Variants in GPSM1 observed in about 807,000 individuals in gnomAD.
The protein encoded by GPSM1 is G protein-signaling modulator 1.
GPSM1 carries 48 observed loss-of-function variants against 70.5 expected under a neutral mutation model. The ratio of observed to expected loss-of-function variants is 0.68; its 90% CI spans 0.54 to 0.87. The LOEUF is 0.87. Among genes scored for constraint, GPSM1 ranks in the 40% least tolerant of loss-of-function variants. The probability of loss-of-function intolerance (pLI) is 0.00; values close to 1 mark genes in which losing one functional copy is unlikely to be tolerated. For synonymous variants in GPSM1, 416 were observed against 430.1 expected, an observed-to-expected ratio of 0.97 and a Z score of 0.41; for missense variants, 981 against 972.6, an observed-to-expected ratio of 1.01 and a Z score of -0.11.
intron 2 of GPSM1, 144 bp from the exon 3 acceptor site, chr9:136,335,822 A>T: frequency 1.2e-6 from 1 of 815,520 alleles, no homozygotes; most frequent in Non-Finnish European, 1.9e-6. Context: ...GCCCCTGCCC[A>T]GTATCACCTC....
intron 10 of GPSM1, among the ~76,000 whole-genome samples, chr9:136,349,366 G>A (rs901354414): frequency 5.9e-5 from 9 of 152,234 alleles, no homozygotes; most frequent in African/African-American, 9.6e-5. Context: ...GGTATAAGCC[G>A]GCTGACATTT....
chr9:136,338,771 C>T (rs1209576328), intron 7 of GPSM1, 61 bp downstream of exon 7: 1 of 1,478,546 alleles, frequency 6.8e-7, no homozygotes, highest in East Asian at 2.5e-5. Flanking sequence ...ATTACCGCGG[C>T]CCAGGCGAGG....
At position 136,339,709 on chromosome 9, in the gene GPSM1, T is replaced by C; in HGVS notation, c.977T>C (p.Val326Ala). 6.5e-7 allele frequency: 1 copy of C among 1,544,632 alleles called. No individual in the cohort carries two copies. Among genetic ancestry groups the C allele is most frequent in the East Asian group, 2.4e-5 (1 of 40,928 alleles). The change falls in exon 8 of 14, where the codon GTG becomes GCG. Residue 326 changes from valine (V) to alanine (A), a missense_variant and splice_region_variant. Transcript: ENST00000440944. Reference protein sequence around the residue: ...LLIAQELADRVGEGRACWSLG... With the variant: ...LLIAQELADRAGEGRACWSLG... ...AATCTGGTCTCCCTCTCTGGCAGAG[T>C]GGGCGAGGGCCGGGCGTGCTGGAGC... is the stretch of plus-strand genomic sequence containing the variant.
chr9:136,339,873 C>T (rs1199538929), intron 8 of GPSM1, 58 bp downstream of exon 8: 10 of 1,060,744 alleles, frequency 9.4e-6, no homozygotes, highest in Middle Eastern at 2.5e-4. Flanking sequence ...CCAGACGGGC[C>T]GGGTCCCCTC....
In GPSM1 at chr9:136,338,545, C is replaced by T. The variant is rs895229576; in HGVS notation, c.819-10C>T. ...CTCCTCCTGGGGGCTGACCCTGCCA[C>T]TCTGCACAGGAAGACGCTGCAACTG... On this transcript the variant is annotated splice_polypyrimidine_tract_variant and intron_variant, in intron 6 of 13. Transcript: ENST00000440944. 1 of 1,607,972 alleles carries T rather than the reference C, an allele frequency of 6.2e-7. No individual in the cohort carries two copies. The highest frequency in any genetic ancestry group is 1.3e-5 in the African/African-American group (1 of 74,960).
At position 136,341,374 on chromosome 9, in the gene GPSM1, G is replaced by C. The variant is rs1832387709; in HGVS notation, c.1207+381G>C. ...GAGAGGGCATCAGCCAGAGGGCTGG[G>C]CTGGGCTGGGCTGGGCTGGGCTGTG... On this transcript the variant is annotated intron_variant, in intron 9 of 13. Coordinates refer to ENST00000440944, the MANE Select transcript of GPSM1 (RefSeq NM_001145638.3). This position sits in a 1 kb window ranked among gnomAD's most constrained non-coding sequence, Gnocchi z 6.7. 1.4e-6 allele frequency: 2 copies of C among 1,416,138 alleles called. No individual in the cohort carries two copies. The highest frequency in any genetic ancestry group is 5.9e-5 in the Admixed American group (2 of 33,772). 87.7% of individuals were successfully genotyped at this position (1,416,138 alleles called of 1,614,324 possible).
rs1193715288 is a variant in GPSM1, at chr9:136,341,483, G to T, written c.1207+490G>T. On this transcript the variant is annotated intron_variant, in intron 9 of 13. Transcript: ENST00000440944. The surrounding 1 kb of genome is among the most constrained non-coding windows in gnomAD (Gnocchi z 6.7). ...GTGGTGACCTCATTCATGGACCGCTGGTCGTCCCATGCCGGTCAGCAGTGC... is the reference window on the plus strand; with the variant it reads ...GTGGTGACCTCATTCATGGACCGCTTGTCGTCCCATGCCGGTCAGCAGTGC... 1 of 1,289,448 alleles carries T rather than the reference G, an allele frequency of 7.8e-7. No individual in the cohort carries two copies. Among genetic ancestry groups the T allele is most frequent in the Non-Finnish European group, 9.8e-7 (1 of 1,016,650 alleles). The allele number at this position is 1,289,448 out of a possible 1,614,324, so 79.9% of individuals were successfully genotyped here.
At chr9:136,337,793 G>A (rs1315581062) in intron 5 of GPSM1, 53 bp from the exon 6 acceptor site, 22 of 1,411,230 alleles carry the variant, frequency 1.6e-5, no homozygotes, top group Admixed American at 8.7e-5. Context: ...GTCCGCCCAC[G>A]TCAGGCCCCG....
chr9:136,341,487 G>C lies in GPSM1; in HGVS notation c.1207+494G>C. 1.1e-5 allele frequency: 14 copies of C among 1,276,238 alleles called. No homozygotes were observed. Among genetic ancestry groups the C allele is most frequent in the Non-Finnish European group, 1.3e-5 (13 of 1,008,358 alleles). 79.1% of individuals were successfully genotyped at this position (1,276,238 alleles called of 1,614,324 possible). A position where few individuals can be genotyped will look rare whatever the true frequency, so the allele number is the denominator to read the frequency against. ...TGACCTCATTCATGGACCGCTGGTCGTCCCATGCCGGTCAGCAGTGCTGCA... is the reference window on the plus strand; with the variant it reads ...TGACCTCATTCATGGACCGCTGGTCCTCCCATGCCGGTCAGCAGTGCTGCA... On this transcript the variant is annotated intron_variant, in intron 9 of 13. Transcript: ENST00000440944. This position sits in a 1 kb window ranked among gnomAD's most constrained non-coding sequence, Gnocchi z 6.7.
intron 11 of GPSM1, among the ~76,000 whole-genome samples, chr9:136,352,509 T>A (rs1019352902): frequency 2.0e-5 from 3 of 152,166 alleles, no homozygotes; most frequent in African/African-American, 7.2e-5. Context: ...CCTCAGAGGC[T>A]GGAGACAGTG....
At chr9:136,344,159 C>G (rs1294768132) in intron 9 of GPSM1, among the ~76,000 whole-genome samples, 1 of 127,642 alleles carries the variant, frequency 7.8e-6, no homozygotes, top group South Asian at 2.5e-4. Flanking sequence ...GAGGTGCGGA[C>G]AGGATCGGGG....
At chr9:136,331,875 C>T in intron 1 of GPSM1, 1 of 396,626 alleles carries the variant, frequency 2.5e-6, no homozygotes, top group Non-Finnish European at 4.4e-6. Flanking sequence ...GACTGGCAGT[C>T]CCCCGCCGAG....
intron 2 of GPSM1, among the ~76,000 whole-genome samples, chr9:136,335,336 C>A (rs1832206508): frequency 6.6e-6 from 1 of 152,168 alleles, no homozygotes; most frequent in Admixed American, 6.5e-5. Flanking sequence ...CCCCAACCTA[C>A]TCCCCGCCGC....
At chr9:136,348,909 C>A in intron 10 of GPSM1, 142 bp downstream of exon 10, 1 of 644,210 alleles carries the variant, frequency 1.6e-6, no homozygotes. Context: ...TGATGCCCTG[C>A]ATGGCCCATC....
At chr9:136,346,614 A>G (rs1007378522) in intron 9 of GPSM1, among the ~76,000 whole-genome samples, 4 of 152,162 alleles carry the variant, frequency 2.6e-5, no homozygotes, top group African/African-American at 4.8e-5. Context: ...TGGTGGCACA[A>G]TGCTCAGACA....
chr9:136,342,720 T>C lies in GPSM1; in HGVS notation c.1207+1727T>C, dbSNP rs114920226. On this transcript the variant is annotated intron_variant, in intron 9 of 13. Coordinates refer to ENST00000440944, the MANE Select transcript of GPSM1 (RefSeq NM_001145638.3). This position sits in a 1 kb window ranked among gnomAD's most constrained non-coding sequence, Gnocchi z 5.5. ...CGGAAGGACCCACGCAGCCTCCCCATTCGGCAGGTGCGGAGGGCGGGGTGG... is the reference window on the plus strand; with the variant it reads ...CGGAAGGACCCACGCAGCCTCCCCACTCGGCAGGTGCGGAGGGCGGGGTGG... Among the ~76,000 whole-genome samples the C allele has an allele frequency of 0.026, 4,027 of 151,976 alleles. 193 individuals are homozygous for C. The highest frequency in any genetic ancestry group is 0.089 in the African/African-American group (3,699 of 41,438).
In GPSM1 at chr9:136,340,356, C is replaced by T. The variant is rs1832356512; in HGVS notation, c.1084-514C>T. Among the ~76,000 whole-genome samples the T allele has an allele frequency of 6.6e-6, 1 of 152,090 alleles. No homozygotes were observed. Among genetic ancestry groups the T allele is most frequent in the Non-Finnish European group, 1.5e-5 (1 of 67,994 alleles). On this transcript the variant is annotated intron_variant, in intron 8 of 13. Coordinates refer to ENST00000440944, the MANE Select transcript of GPSM1 (RefSeq NM_001145638.3). The surrounding 1 kb of genome is among the most constrained non-coding windows in gnomAD (Gnocchi z 7.3). ...GCCCTCGTCTGAAGAGCTTCACTGG[C>T]AGCCAGCAGGCAGCCCCCGTGTCCC...
rs1832395818 is a variant in GPSM1 at position 136,341,669 on chromosome 9, G to A, written c.1207+676G>A. On this transcript the variant is annotated intron_variant, in intron 9 of 13. Coordinates refer to ENST00000440944, the MANE Select transcript of GPSM1 (RefSeq NM_001145638.3). This position sits in a 1 kb window ranked among gnomAD's most constrained non-coding sequence, Gnocchi z 6.7. ...ACCCATGTGTCCCCCACTCCCAAAGGTCTTGAGTTTGCCAGCCCCCGAGAA... is the reference window on the plus strand; with the variant it reads ...ACCCATGTGTCCCCCACTCCCAAAGATCTTGAGTTTGCCAGCCCCCGAGAA... 1.0e-6 allele frequency: 1 copy of A among 995,128 alleles called. No homozygotes were observed. Among genetic ancestry groups the A allele is most frequent in the Non-Finnish European group, 1.2e-6 (1 of 835,304 alleles). 61.6% of individuals were successfully genotyped at this position (995,128 alleles called of 1,614,324 possible).
At chr9:136,345,087 G>A (rs782433663) in intron 9 of GPSM1, among the ~76,000 whole-genome samples, 6 of 152,206 alleles carry the variant, frequency 3.9e-5, no homozygotes, top group East Asian at 1.9e-4. Context: ...TGAAGGAACC[G>A]TGGGCAGCTG....
Sources: allele counts gnomAD v4.1 joint callset (sites outside exome capture counted in the v4.1 genomes callset), GRCh38; gene constraint gnomAD v4.1.1; non-coding constraint Gnocchi (gnomAD v3.1); transcripts MANE v1.5; gene names NCBI Gene and HGNC (gene_info 2026-07-23, HGNC 2026-07-21).